ARHGAP24: variants seen among roughly 807,000 people sequenced by gnomAD.
The protein encoded by ARHGAP24 is rho GTPase-activating protein 24.
ARHGAP24 carries 50 observed loss-of-function variants against 76.4 expected under a neutral mutation model. The ratio of observed to expected loss-of-function variants is 0.65; its 90% confidence interval spans 0.52 to 0.83. The LOEUF (loss-of-function observed/expected upper bound fraction) is 0.83, where lower values mean the gene tolerates loss of function less well. Among genes scored for constraint, ARHGAP24 ranks in the 40% least tolerant of loss-of-function variants. The pLI, the probability that ARHGAP24 is intolerant of heterozygous loss-of-function variation, is 0.00. For missense variants in ARHGAP24, 930 were observed against 914.2 expected (o/e 1.02, Z -0.22); for synonymous variants, 345 against 323.3 (o/e 1.07, Z -0.72).
intron 2 of ARHGAP24, among the ~76,000 whole-genome samples, chr4:85,670,923 C>T (rs978827499): frequency 6.6e-6 from 1 of 152,090 alleles, no homozygotes; most frequent in Non-Finnish European, 1.5e-5. Context: ...AAAGTCTTTA[C>T]CCAAGACCTA....
At chr4:85,514,843 A>AAAAAT (rs1379272581) in intron 1 of ARHGAP24, among the ~76,000 whole-genome samples, 2 of 146,474 alleles carry the variant, frequency 1.4e-5, no homozygotes, top group Non-Finnish European at 3.0e-5. Context: ...AAAAAAAAAA[A>AAAAAT]GTGATATTGT....
intron 3 of ARHGAP24, among the ~76,000 whole-genome samples, chr4:85,890,766 C>T (rs1378418252): frequency 6.6e-6 from 1 of 152,172 alleles, no homozygotes; most frequent in Non-Finnish European, 1.5e-5. Context: ...ACCACTGCAA[C>T]TGGGGACCTT....
intron 3 of ARHGAP24, among the ~76,000 whole-genome samples, chr4:85,771,964 C>G (rs1270458017): frequency 1.3e-5 from 2 of 152,148 alleles, no homozygotes; most frequent in Non-Finnish European, 2.9e-5. Context: ...CCACCTTGGC[C>G]TGCCAAAGTG....
intron 1 of ARHGAP24, among the ~76,000 whole-genome samples, chr4:85,497,408 G>A (rs1188367850): frequency 6.6e-6 from 1 of 152,230 alleles, no homozygotes; most frequent in Non-Finnish European, 1.5e-5. Context: ...AATTGTGGGA[G>A]AGAAGTCACT....
intron 2 of ARHGAP24, among the ~76,000 whole-genome samples, chr4:85,640,143 A>G (rs992184962): frequency 1.3e-5 from 2 of 152,126 alleles, no homozygotes; most frequent in African/African-American, 4.8e-5. Flanking sequence ...TCAGATGCTT[A>G]CACTATGAGG....
At position 85,874,592 on chromosome 4, in the gene ARHGAP24, A is replaced by T. The variant is rs967108782; in HGVS notation, c.269-49056A>T. 5.3e-5 allele frequency among the ~76,000 whole-genome samples: 8 copies of T among 151,894 alleles called. No homozygotes were observed. The South Asian group carries it at 1.4e-3, about 27-fold the overall frequency. ...AAACGTTAGTATTCTGGGGAAAGTC[A>T]TGTGAATAACTTCTATATCATACTG... On this transcript the variant is annotated intron_variant, in intron 3 of 9. Transcript: ENST00000395184.
At chr4:85,483,731 A>T (rs900040461) in intron 1 of ARHGAP24, among the ~76,000 whole-genome samples, 2 of 152,166 alleles carry the variant, frequency 1.3e-5, no homozygotes, top group African/African-American at 2.4e-5. Flanking sequence ...GAAATGAAAA[A>T]TGTGCTTCTG....
At chr4:85,855,411 A>G (rs1025016016) in intron 3 of ARHGAP24, among the ~76,000 whole-genome samples, 5 of 152,144 alleles carry the variant, frequency 3.3e-5, no homozygotes, top group Admixed American at 1.3e-4. Flanking sequence ...AAGTCTGTAC[A>G]TCAAGAATCT....
intron 3 of ARHGAP24, among the ~76,000 whole-genome samples, chr4:85,906,868 G>A (rs183662453): frequency 7.9e-5 from 12 of 152,160 alleles, no homozygotes; most frequent in South Asian, 4.1e-4. Context: ...TATCTTAGGC[G>A]GATTCCTCTC....
intron 3 of ARHGAP24, among the ~76,000 whole-genome samples, chr4:85,917,285 G>A (rs1735469536): frequency 1.3e-5 from 2 of 151,976 alleles, no homozygotes; most frequent in Admixed American, 1.3e-4. Context: ...GTGTATATGT[G>A]CCACATTTTC....
chr4:85,575,803 AG>A (rs1471750661), intron 2 of ARHGAP24, among the ~76,000 whole-genome samples: 2 of 152,244 alleles, frequency 1.3e-5, no homozygotes, highest in Non-Finnish European at 2.9e-5. Context: ...CTTAAATAAA[AG>A]CTAAGTCTCA....
At chr4:85,602,865 G>GA (rs760394245) in intron 2 of ARHGAP24, among the ~76,000 whole-genome samples, 2 of 152,178 alleles carry the variant, frequency 1.3e-5, no homozygotes, top group Non-Finnish European at 2.9e-5. Context: ...GGATTTTAGA[G>GA]AAAAATCTTG....
At chr4:85,591,424 T>C (rs907645566) in intron 2 of ARHGAP24, among the ~76,000 whole-genome samples, 1 of 152,198 alleles carries the variant, frequency 6.6e-6, no homozygotes, top group African/African-American at 2.4e-5. Context: ...ATCTGCTTTC[T>C]ACTTTTATCA....
chr4:85,618,800 T>G (rs747890094), intron 2 of ARHGAP24, among the ~76,000 whole-genome samples: 1 of 152,108 alleles, frequency 6.6e-6, no homozygotes, highest in Non-Finnish European at 1.5e-5. Flanking sequence ...TCTATTCAAG[T>G]TTTTACCCGT....
chr4:85,713,907 T>C (rs1329233431), intron 2 of ARHGAP24, among the ~76,000 whole-genome samples: 1 of 152,174 alleles, frequency 6.6e-6, no homozygotes, highest in Non-Finnish European at 1.5e-5. Flanking sequence ...GTTGAATGCC[T>C]GTAATATTAC....
At position 85,995,439 on chromosome 4, in the gene ARHGAP24, G is replaced by T; in HGVS notation, c.1785G>T (p.Gly595=). Residue 595 remains glycine (G), a synonymous_variant, in exon 9 of 10, where the codon GGG becomes GGT. Transcript: ENST00000395184. ...ACTTTGAGGACCCTGTTTTGGATGG[G>T]CCCCCGCAGGACGACCTTTCCCACC... The part of the protein sequence containing the change: ...GGNFEDPVLD[G]PPQDDLSHPR... 2 of 1,609,588 alleles carry T rather than the reference G, an allele frequency of 1.2e-6. No individual in the cohort carries two copies. Among genetic ancestry groups the T allele is most frequent in the Non-Finnish European group, 1.7e-6 (2 of 1,176,792 alleles).
intron 2 of ARHGAP24, among the ~76,000 whole-genome samples, chr4:85,704,487 G>A (rs1331495329): frequency 3.3e-5 from 5 of 152,156 alleles, no homozygotes; most frequent in African/African-American, 1.2e-4. Flanking sequence ...AAATATGGTA[G>A]TGATAGGAGA....
At chr4:85,751,721 C>T (rs1726273115) in intron 3 of ARHGAP24, among the ~76,000 whole-genome samples, 1 of 152,136 alleles carries the variant, frequency 6.6e-6, no homozygotes. Flanking sequence ...AGGATTGTTC[C>T]CAGGAAACTG....
intron 3 of ARHGAP24, among the ~76,000 whole-genome samples, chr4:85,726,233 G>T (rs927613576): frequency 2.6e-5 from 4 of 152,010 alleles, no homozygotes; most frequent in African/African-American, 9.7e-5. Context: ...AGCCTCTTTT[G>T]GGGGGTGGGG....
Sources: allele counts gnomAD v4.1 joint callset (sites outside exome capture counted in the v4.1 genomes callset), GRCh38; gene constraint gnomAD v4.1.1; transcripts MANE v1.5; gene names NCBI Gene and HGNC (gene_info 2026-07-23, HGNC 2026-07-21).